The following ASH2L variants were observed in gnomAD, a reference collection of about 807,000 sequenced individuals.
The protein encoded by ASH2L is set1/Ash2 histone methyltransferase complex subunit ASH2.
Under a neutral mutation model 81.1 loss-of-function variants are expected in ASH2L, and 30 were observed. The observed-to-expected ratio is 0.37, with a 90% confidence interval of 0.28 to 0.50. The LOEUF is 0.50. Ranked by LOEUF, ASH2L falls within the 20% of genes least tolerant of loss-of-function variation. The pLI is 0.95. For missense variants in ASH2L, 559 were observed against 792.1 expected (o/e 0.71, Z 3.53); for synonymous variants, 273 against 279.9 (o/e 0.98, Z 0.24).
At chr8:38,127,952 A>G (rs1801920707) in intron 10 of ASH2L, among the ~76,000 whole-genome samples, 1 of 151,948 alleles carries the variant, frequency 6.6e-6, no homozygotes, top group Admixed American at 6.6e-5. Context: ...AGGCTGAGGC[A>G]GGAAAATTGC....
chr8:38,110,967 C>CTT, intron 5 of ASH2L, 134 bp downstream of exon 5: 1 of 721,100 alleles, frequency 1.4e-6, no homozygotes, highest in Non-Finnish European at 2.3e-6. Flanking sequence ...ACCTTGTTCT[C>CTT]TTTTTTTTTC....
intron 5 of ASH2L, among the ~76,000 whole-genome samples, chr8:38,113,293 A>T (rs1456663454): frequency 1.3e-5 from 2 of 151,650 alleles, no homozygotes; most frequent in Non-Finnish European, 2.9e-5. Context: ...TTCATTTCTG[A>T]CCCTCAGGTT....
intron 14 of ASH2L, chr8:38,138,597 G>T: frequency 2.2e-6 from 1 of 451,058 alleles, no homozygotes; most frequent in Non-Finnish European, 3.9e-6. Flanking sequence ...ATTTTTCTTT[G>T]ACAACAGAAA....
intron 3 of ASH2L, 137 bp from the exon 4 acceptor site, chr8:38,110,242 G>A: frequency 4.5e-6 from 3 of 668,916 alleles, no homozygotes; most frequent in Non-Finnish European, 7.9e-6. Flanking sequence ...GCCAGGGAAC[G>A]TCAAGTCTGC....
chr8:38,131,881 C>A (rs1333731246), intron 12 of ASH2L, among the ~76,000 whole-genome samples: 1 of 148,132 alleles, frequency 6.8e-6, no homozygotes, highest in African/African-American at 2.5e-5. Context: ...GAGTCTCATT[C>A]TGTCGCCCAG....
chr8:38,106,961 T>C, intron 2 of ASH2L, 60 bp from the exon 3 acceptor site: 2 of 1,595,812 alleles, frequency 1.3e-6, no homozygotes, highest in Admixed American at 3.4e-5. Flanking sequence ...CTTAAAAAAA[T>C]AAAATAAAGT....
intron 12 of ASH2L, among the ~76,000 whole-genome samples, chr8:38,133,117 A>G (rs576528283): frequency 5.7e-4 from 87 of 152,158 alleles, no homozygotes; most frequent in African/African-American, 2.0e-3. Flanking sequence ...GAGATTGTAG[A>G]CTCAATAAAC....
intron 3 of ASH2L, among the ~76,000 whole-genome samples, chr8:38,108,370 GA>G (rs1244194613): frequency 6.6e-6 from 1 of 152,166 alleles, no homozygotes; most frequent in African/African-American, 2.4e-5. Flanking sequence ...TTTAGGAAAG[GA>G]AGTTTACTAG....
rs567189184 is a variant in ASH2L at position 38,107,835 on chromosome 8, C to T, written c.401+669C>T. Reference sequence around the variant, plus strand: ...AAGGCTGCATTATCGTGAAATTAATCCACCTTGGGTGAGATTGTGAAGAAA... The same window carrying T: ...AAGGCTGCATTATCGTGAAATTAATTCACCTTGGGTGAGATTGTGAAGAAA... On this transcript the variant is annotated intron_variant, in intron 3 of 15. Transcript: ENST00000343823. Among the ~76,000 whole-genome samples, 3 of 151,004 alleles carry T rather than the reference C, an allele frequency of 2.0e-5. No individual in the cohort carries two copies. In the South Asian group the frequency reaches 6.3e-4, roughly 32 times the overall value.
At chr8:38,113,159 A>G (rs1810754689) in intron 5 of ASH2L, among the ~76,000 whole-genome samples, 1 of 151,936 alleles carries the variant, frequency 6.6e-6, no homozygotes, top group African/African-American at 2.4e-5. Flanking sequence ...TGGTAGAGAC[A>G]GGGTTTCACC....
chr8:38,114,906 G>A lies in ASH2L; in HGVS notation c.683G>A (p.Ser228Asn), dbSNP rs1391062401. The change falls in exon 7 of 16, where the codon AGT becomes AAT. Residue 228 changes from serine (S) to asparagine (N), a missense_variant and splice_region_variant. Coordinates refer to ENST00000343823, the MANE Select transcript of ASH2L (RefSeq NM_004674.5). ...TAGTAAAACACTACTTCTTTTTAGA[G>A]TAAAGAAAGAGATGTATTCTTGGTA... Reference protein sequence around the residue: ...TWPNNIVKTMSKERDVFLVKE... With the variant: ...TWPNNIVKTMNKERDVFLVKE... 1.0e-5 allele frequency: 16 copies of A among 1,588,376 alleles called. No individual in the cohort carries two copies. The highest frequency in any genetic ancestry group is 1.4e-5 in the Non-Finnish European group (16 of 1,157,298).
intron 14 of ASH2L, among the ~76,000 whole-genome samples, chr8:38,136,856 G>T (rs1802276578): frequency 6.7e-6 from 1 of 149,928 alleles, no homozygotes; most frequent in Admixed American, 6.6e-5. Flanking sequence ...CTTTGGGAGG[G>T]TGACTCAGGC....
chr8:38,120,896 T>C, intron 9 of ASH2L, 36 bp from the exon 10 acceptor site: 1 of 1,565,676 alleles, frequency 6.4e-7, no homozygotes, highest in Admixed American at 1.7e-5. Context: ...CTAAAGGGGG[T>C]TTTAGTTTTT....
At chr8:38,111,312 C>T (rs1349690766) in intron 5 of ASH2L, among the ~76,000 whole-genome samples, 1 of 152,132 alleles carries the variant, frequency 6.6e-6, no homozygotes, top group African/African-American at 2.4e-5. Flanking sequence ...CAGCCTTGAC[C>T]TCCTGGGCTA....
intron 14 of ASH2L, among the ~76,000 whole-genome samples, chr8:38,137,199 G>A (rs1159537727): frequency 2.6e-5 from 4 of 151,526 alleles, no homozygotes; most frequent in African/African-American, 7.3e-5. Flanking sequence ...TCAAGAGATC[G>A]AGACCATCCT....
intron 1 of ASH2L, chr8:38,106,098 C>T (rs758765889): frequency 5.2e-6 from 8 of 1,525,032 alleles, no homozygotes; most frequent in South Asian, 2.4e-5. Flanking sequence ...GGTGGGAGAG[C>T]TGCCTCTCTT....
chr8:38,138,794 G>T (rs775290584), intron 14 of ASH2L, 22 bp from the exon 15 acceptor site: 1 of 1,608,404 alleles, frequency 6.2e-7, no homozygotes, highest in South Asian at 1.1e-5. Context: ...TTCCATGTCT[G>T]CTTGAATTGA....
rs747592084 is a variant in ASH2L at position 38,110,852 on chromosome 8, T to G, written c.585+19T>G. On this transcript the variant is annotated intron_variant, in intron 5 of 15. Coordinates refer to ENST00000343823, the MANE Select transcript of ASH2L (RefSeq NM_004674.5). ...AGATAAGGTAGAGGTGGAACTAATG[T>G]GATTGCAGTTATATTGAAGAGTTAG... is the stretch of plus-strand genomic sequence containing the variant. 2.5e-6 allele frequency: 4 copies of G among 1,595,314 alleles called. No homozygotes were observed. The highest frequency in any genetic ancestry group is 2.6e-6 in the Non-Finnish European group (3 of 1,165,160).
Position 38,105,882 on chromosome 8 carries a change from C to A in ASH2L, c.188+144C>A, listed in dbSNP as rs1055326680. 7 of 1,441,686 alleles carry A rather than the reference C, an allele frequency of 4.9e-6. No homozygotes were observed. The Admixed American group carries it at 1.4e-4, about 29-fold the overall frequency. The allele number at this position is 1,441,686 out of a possible 1,614,324, so 89.3% of individuals were successfully genotyped here. ...CGCCCTGCCTCTGCGCCGCTTGGCC[C>A]GTCCCCTCTCAAGCATATCTCGGAT... On this transcript the variant is annotated intron_variant, in intron 1 of 15. Coordinates refer to ENST00000343823, the MANE Select transcript of ASH2L (RefSeq NM_004674.5).
Sources: allele counts gnomAD v4.1 joint callset (sites outside exome capture counted in the v4.1 genomes callset), GRCh38; gene constraint gnomAD v4.1.1; transcripts MANE v1.5; gene names NCBI Gene and HGNC (gene_info 2026-07-23, HGNC 2026-07-21).